ROBO2: variants seen among roughly 807,000 people sequenced by gnomAD.
ROBO2 encodes the protein roundabout homolog 2.
Under a neutral mutation model 160.8 loss-of-function variants are expected in ROBO2, and 53 were observed. The observed-to-expected ratio is 0.33, with a 90% CI of 0.26 to 0.41. ROBO2 has a LOEUF of 0.41. Among genes scored for constraint, ROBO2 ranks in the 10% least tolerant of loss-of-function variants. The probability of loss-of-function intolerance (pLI) is 1.00; values close to 1 mark genes in which losing one functional copy is unlikely to be tolerated. For missense variants in ROBO2, 1,577 were observed against 1,722.4 expected (o/e 0.92, Z 1.49); for synonymous variants, 664 against 611.7 (o/e 1.09, Z -1.26).
chr3:77,399,689 G>A (rs773693406), intron 2 of ROBO2, among the ~76,000 whole-genome samples: 83 of 152,048 alleles, frequency 5.5e-4, no homozygotes, highest in Admixed American at 2.4e-3. Context: ...TATAGAGTTC[G>A]TGCAGTCTCC....
intron 5 of ROBO2, among the ~76,000 whole-genome samples, chr3:77,516,349 A>T (rs1278186271): frequency 6.6e-6 from 1 of 151,628 alleles, no homozygotes; most frequent in Admixed American, 6.6e-5. Flanking sequence ...TGTTAAAAGT[A>T]TAAATGAAAG....
chr3:76,745,244 A>T (rs1192339222), intron 2 of ROBO2, among the ~76,000 whole-genome samples: 1 of 152,182 alleles, frequency 6.6e-6, no homozygotes, highest in African/African-American at 2.4e-5. Context: ...ATATTAAAAA[A>T]GTATAAAATA....
At chr3:76,070,907 T>C (rs756563722) in intron 2 of ROBO2, among the ~76,000 whole-genome samples, 1 of 152,194 alleles carries the variant, frequency 6.6e-6, no homozygotes, top group East Asian at 1.9e-4. Context: ...AGAGTCTTAA[T>C]GTCACGAAAA....
intron 2 of ROBO2, among the ~76,000 whole-genome samples, chr3:76,149,123 T>A (rs1349175848): frequency 2.6e-5 from 4 of 152,022 alleles, no homozygotes; most frequent in Non-Finnish European, 5.9e-5. Flanking sequence ...ATTCCTTTAA[T>A]TTTCTTCCAC....
chr3:76,822,520 A>G (rs2066210175), intron 2 of ROBO2, among the ~76,000 whole-genome samples: 1 of 152,042 alleles, frequency 6.6e-6, no homozygotes, highest in South Asian at 2.1e-4. Context: ...ATTTGTTGAT[A>G]ATTTACTATT....
At chr3:76,935,455 A>G (rs983481560) in intron 2 of ROBO2, among the ~76,000 whole-genome samples, 2 of 152,184 alleles carry the variant, frequency 1.3e-5, no homozygotes, top group African/African-American at 4.8e-5. Context: ...TATTGCATTT[A>G]GATCTCATGT....
chr3:76,521,517 G>A (rs886742500), intron 2 of ROBO2, among the ~76,000 whole-genome samples: 8 of 152,102 alleles, frequency 5.3e-5, no homozygotes, highest in African/African-American at 1.9e-4. Context: ...ATTTATCTGG[G>A]TCCAAATTTG....
At chr3:76,473,032 C>T (rs892810304) in intron 2 of ROBO2, among the ~76,000 whole-genome samples, 8 of 152,140 alleles carry the variant, frequency 5.3e-5, no homozygotes, top group South Asian at 2.1e-4. Context: ...ACTTAAAAGA[C>T]GGCTCCATAA....
intron 2 of ROBO2, among the ~76,000 whole-genome samples, chr3:76,504,099 C>T (rs936637546): frequency 4.6e-5 from 7 of 152,122 alleles, no homozygotes; most frequent in South Asian, 2.1e-4. Context: ...ACCTAGCAAA[C>T]GACAATGATT....
At chr3:76,998,630 T>A (rs2061164132) in intron 2 of ROBO2, among the ~76,000 whole-genome samples, 1 of 152,206 alleles carries the variant, frequency 6.6e-6, no homozygotes, top group Non-Finnish European at 1.5e-5. Context: ...CAAAATGGTA[T>A]TTCCTTTTAG....
chr3:76,716,978 A>G (rs988837709), intron 2 of ROBO2, among the ~76,000 whole-genome samples: 1 of 152,180 alleles, frequency 6.6e-6, no homozygotes, highest in Non-Finnish European at 1.5e-5. Context: ...CCACATTTCT[A>G]TTAGTATTCA....
chr3:77,429,988 T>A lies in ROBO2; in HGVS notation c.389-47426T>A, dbSNP rs545811737. The stretch of plus-strand genomic sequence containing the variant: ...CCATGAGGTTAGATCAGGTGAGGCT[T>A]CTGTGCAATGGACAGTGATCGATAT... On this transcript the variant is annotated intron_variant, in intron 2 of 25. Coordinates refer to ENST00000461745, the Ensembl canonical transcript of ROBO2. 4.6e-5 allele frequency among the ~76,000 whole-genome samples: 7 copies of A among 152,280 alleles called. No individual in the cohort carries two copies. In the South Asian group the frequency reaches 1.5e-3, roughly 32 times the overall value.
intron 2 of ROBO2, among the ~76,000 whole-genome samples, chr3:77,416,490 G>A (rs546937198): frequency 1.2e-4 from 18 of 152,052 alleles, no homozygotes; most frequent in South Asian, 8.3e-4. Flanking sequence ...AGACTGAAGC[G>A]GGTGGATCAC....
At chr3:77,049,508 C>T (rs895555595) in intron 1 of ROBO2, among the ~76,000 whole-genome samples, 5 of 152,198 alleles carry the variant, frequency 3.3e-5, no homozygotes, top group African/African-American at 9.7e-5. Flanking sequence ...TTATGATTCA[C>T]ATCCACTCTC....
chr3:76,251,826 A>C (rs2107556176), intron 2 of ROBO2, among the ~76,000 whole-genome samples: 1 of 152,236 alleles, frequency 6.6e-6, no homozygotes, highest in East Asian at 1.9e-4. Context: ...AGATGCTGTC[A>C]GGTGCAGATT....
chr3:76,712,226 T>C (rs1461179758), intron 2 of ROBO2, among the ~76,000 whole-genome samples: 1 of 152,226 alleles, frequency 6.6e-6, no homozygotes, highest in East Asian at 1.9e-4. Context: ...AATCAATAGA[T>C]ACAATCCTTA....
At chr3:77,418,559 T>C (rs1162356840) in intron 2 of ROBO2, among the ~76,000 whole-genome samples, 1 of 152,092 alleles carries the variant, frequency 6.6e-6, no homozygotes, top group Non-Finnish European at 1.5e-5. Flanking sequence ...ATCTCAAATA[T>C]TGTGTAACAC....
chr3:77,551,057 T>C (rs2092902947), intron 8 of ROBO2, 68 bp downstream of exon 9: 1 of 1,524,440 alleles, frequency 6.6e-7, no homozygotes, highest in East Asian at 2.3e-5. Context: ...ACGTTAACCA[T>C]GTGGAGTTTG....
At chr3:76,692,070 T>C (rs777514539) in intron 2 of ROBO2, among the ~76,000 whole-genome samples, 72 of 151,400 alleles carry the variant, frequency 4.8e-4, no homozygotes, top group Admixed American at 6.6e-4. Context: ...GGAGGAGGAA[T>C]TGGGAGAAGA....
Sources: allele counts gnomAD v4.1 joint callset (sites outside exome capture counted in the v4.1 genomes callset), GRCh38; gene constraint gnomAD v4.1.1; transcripts MANE v1.5; gene names NCBI Gene and HGNC (gene_info 2026-07-23, HGNC 2026-07-21).